GTF2F2: variants seen among roughly 807,000 people sequenced by gnomAD.
The protein encoded by GTF2F2 is ATP-dependent helicase GTF2F2.
Under a neutral mutation model 42.2 loss-of-function variants are expected in GTF2F2, and 23 were observed. The ratio of observed to expected loss-of-function variants is 0.55; its 90% CI spans 0.39 to 0.77. The LOEUF (loss-of-function observed/expected upper bound fraction) is 0.77. GTF2F2 is among the 30% of genes least tolerant of loss of function. The pLI is 0.00. For missense variants in GTF2F2, 261 were observed against 287.2 expected, an observed-to-expected ratio of 0.91 and a Z score of 0.66; for synonymous variants, 105 against 100.8, an observed-to-expected ratio of 1.04 and a Z score of -0.25.
intron 5 of GTF2F2, among the ~76,000 whole-genome samples, chr13:45,232,587 A>G (rs1321583932): frequency 6.6e-6 from 1 of 152,132 alleles, no homozygotes; most frequent in African/African-American, 2.4e-5. Context: ...GTGACCTATG[A>G]TCACGCCACT....
intron 7 of GTF2F2, among the ~76,000 whole-genome samples, chr13:45,269,698 A>G (rs887824032): frequency 6.6e-6 from 1 of 152,250 alleles, no homozygotes; most frequent in African/African-American, 2.4e-5. Flanking sequence ...CAGCTCTACC[A>G]TTTAGCCAAA....
At chr13:45,150,515 T>C (rs1870434814) in intron 3 of GTF2F2, among the ~76,000 whole-genome samples, 1 of 152,146 alleles carries the variant, frequency 6.6e-6, no homozygotes, top group Admixed American at 6.6e-5. Flanking sequence ...AATTGCTTTC[T>C]TAATATTCTT....
intron 5 of GTF2F2, among the ~76,000 whole-genome samples, chr13:45,225,596 A>G (rs1874305238): frequency 7.2e-6 from 1 of 139,350 alleles, no homozygotes; most frequent in Non-Finnish European, 1.5e-5. Context: ...GTGCAACAGG[A>G]GTGAAGCTCT....
chr13:45,146,185 A>T (rs184142619), intron 2 of GTF2F2, among the ~76,000 whole-genome samples: 2 of 152,224 alleles, frequency 1.3e-5, no homozygotes, highest in East Asian at 3.9e-4. Context: ...TTGTTCAGTT[A>T]GGGGAAGTAT....
chr13:45,251,444 T>G (rs948463827), intron 5 of GTF2F2, among the ~76,000 whole-genome samples: 9 of 152,186 alleles, frequency 5.9e-5, no homozygotes, highest in African/African-American at 1.9e-4. Flanking sequence ...TCCAAGGAAT[T>G]ATAGTATTTC....
intron 5 of GTF2F2, among the ~76,000 whole-genome samples, chr13:45,241,521 G>C (rs1294383947): frequency 6.6e-6 from 1 of 152,118 alleles, no homozygotes; most frequent in Non-Finnish European, 1.5e-5. Context: ...AATGTGGCTA[G>C]TGTCCTTGAG....
At position 45,216,705 on chromosome 13, in the gene GTF2F2, G is replaced by A. The variant is rs573299605; in HGVS notation, c.386+9200G>A. Among the ~76,000 whole-genome samples the A allele has an allele frequency of 2.0e-5, 3 of 151,872 alleles. 1 individual carries two copies. In the South Asian group the frequency reaches 6.3e-4, roughly 32 times the overall value. On this transcript the variant is annotated intron_variant, in intron 5 of 7. Transcript: ENST00000340473. ...GCTATTTTTTTGCATTTTTAGTGGG[G>A]ACAGGATTGCTCCAAGTTGGCCAGG... is the stretch of plus-strand genomic sequence containing the variant.
chr13:45,131,645 C>T (rs1431924853), intron 1 of GTF2F2, among the ~76,000 whole-genome samples: 1 of 151,974 alleles, frequency 6.6e-6, no homozygotes, highest in African/African-American at 2.4e-5. Context: ...GTGGCTCATG[C>T]CTGTAATCCC....
At chr13:45,281,941 G>A (rs1877283854) in intron 7 of GTF2F2, among the ~76,000 whole-genome samples, 1 of 152,216 alleles carries the variant, frequency 6.6e-6, no homozygotes, top group Admixed American at 6.5e-5. Flanking sequence ...GCTCAGGCCT[G>A]TAATCCCAGC....
intron 5 of GTF2F2, among the ~76,000 whole-genome samples, chr13:45,225,547 T>C (rs1293660514): frequency 2.0e-5 from 3 of 150,966 alleles, no homozygotes; most frequent in African/African-American, 7.4e-5. Context: ...GACATGGAGA[T>C]TGCAATGAGC....
intron 4 of GTF2F2, among the ~76,000 whole-genome samples, chr13:45,162,772 G>A (rs932206993): frequency 6.6e-6 from 1 of 152,138 alleles, no homozygotes; most frequent in South Asian, 2.1e-4. Flanking sequence ...TAAAACTTAT[G>A]ATTTACTCTC....
chr13:45,277,675 GT>G (rs1295583296), intron 7 of GTF2F2, among the ~76,000 whole-genome samples: 4 of 152,242 alleles, frequency 2.6e-5, no homozygotes, highest in African/African-American at 9.6e-5. Context: ...ATCTTCATCA[GT>G]AAGTTTTCAT....
At chr13:45,231,375 G>A (rs143030418) in intron 5 of GTF2F2, among the ~76,000 whole-genome samples, 5 of 152,120 alleles carry the variant, frequency 3.3e-5, no homozygotes, top group African/African-American at 4.8e-5. Flanking sequence ...CAGAGTGCTG[G>A]GATTACAGGC....
At chr13:45,253,718 A>G (rs1875971765) in intron 6 of GTF2F2, among the ~76,000 whole-genome samples, 1 of 152,194 alleles carries the variant, frequency 6.6e-6, no homozygotes, top group Admixed American at 6.5e-5. Flanking sequence ...CACATTGTAT[A>G]TGCTACCCAC....
At chr13:45,279,464 A>G (rs775393359) in intron 7 of GTF2F2, among the ~76,000 whole-genome samples, 4 of 152,202 alleles carry the variant, frequency 2.6e-5, no homozygotes, top group African/African-American at 4.8e-5. Context: ...AAACTGAACT[A>G]GAATTTGAAT....
At chr13:45,132,550 A>T (rs756911331) in intron 1 of GTF2F2, among the ~76,000 whole-genome samples, 1 of 151,842 alleles carries the variant, frequency 6.6e-6, no homozygotes, top group Non-Finnish European at 1.5e-5. Flanking sequence ...TTATAATCTT[A>T]TGTAACCTAA....
chr13:45,133,622 A>G (rs972312683), intron 1 of GTF2F2, among the ~76,000 whole-genome samples: 2 of 152,240 alleles, frequency 1.3e-5, no homozygotes, highest in Admixed American at 6.5e-5. Context: ...CCTGGGCGCC[A>G]TAGTGAAGGC....
At chr13:45,174,476 A>G (rs1441369849) in intron 4 of GTF2F2, among the ~76,000 whole-genome samples, 1 of 152,140 alleles carries the variant, frequency 6.6e-6, no homozygotes, top group Non-Finnish European at 1.5e-5. Context: ...CATCATTGAC[A>G]TTAATGATAG....
At chr13:45,139,834 G>A (rs988278264) in intron 2 of GTF2F2, among the ~76,000 whole-genome samples, 6 of 152,174 alleles carry the variant, frequency 3.9e-5, no homozygotes, top group African/African-American at 7.2e-5. Context: ...GTGGGGACAA[G>A]TACAGTTGTC....
Sources: allele counts gnomAD v4.1 joint callset (sites outside exome capture counted in the v4.1 genomes callset), GRCh38; gene constraint gnomAD v4.1.1; transcripts MANE v1.5; gene names NCBI Gene and HGNC (gene_info 2026-07-23, HGNC 2026-07-21).